The following TLNRD1 variants were observed in gnomAD, a reference collection of about 807,000 sequenced individuals.
TLNRD1 encodes the protein talin rod domain-containing protein 1.
Under a neutral mutation model 19.5 loss-of-function variants are expected in TLNRD1, and 14 were observed. That is an observed-to-expected ratio of 0.72 (90% CI 0.47 to 1.12). The LOEUF (loss-of-function observed/expected upper bound fraction) is 1.12. Ranked by LOEUF, TLNRD1 falls within the 50% of genes most tolerant of loss-of-function variation. The pLI, the probability that TLNRD1 is intolerant of heterozygous loss-of-function variation, is 0.00. For synonymous variants in TLNRD1, 345 were observed against 261.7 expected (o/e 1.32, Z -3.07); for missense variants, 569 against 531.9 (o/e 1.07, Z -0.69).
At position 81,002,260 on chromosome 15, in the gene TLNRD1, C is replaced by A; in HGVS notation, c.-12C>A. The stretch of plus-strand genomic sequence containing the variant: ...GGGCTCCCCAGCGGCATGCCAGTGC[C>A]CCCCGGGCGCGATGGCTAGCGGCAG... On this transcript the variant is annotated 5_prime_UTR_variant, in exon 1 of 1. Coordinates refer to ENST00000267984, the MANE Select transcript of TLNRD1 (RefSeq NM_022566.3). 1.6e-6 allele frequency: 2 copies of A among 1,267,500 alleles called. No homozygotes were observed. Among genetic ancestry groups the A allele is most frequent in the Non-Finnish European group, 2.0e-6 (2 of 1,006,426 alleles). The allele number at this position is 1,267,500 out of a possible 1,614,324, so 78.5% of individuals were successfully genotyped here. A position where few individuals can be genotyped will look rare whatever the true frequency, so the allele number is the denominator to read the frequency against.
Position 81,003,196 on chromosome 15 carries a change from C to G in TLNRD1, c.925C>G (p.Leu309Val). 1 of 1,592,434 alleles carries G rather than the reference C, an allele frequency of 6.3e-7. No homozygotes were observed. The highest frequency in any genetic ancestry group is 8.5e-7 in the Non-Finnish European group (1 of 1,170,016). The change falls in exon 1 of 1, where the codon CTG becomes GTG. Residue 309 changes from leucine (L) to valine (V), a missense_variant. By Grantham distance (32) the Leu-to-Val change is conservative (BLOSUM62 1). Coordinates refer to ENST00000267984, the MANE Select transcript of TLNRD1 (RefSeq NM_022566.3). ...GCTCCTGACCCAGTGCCTCAGGGAT[C>G]TGGCGCAGCACCCCGACGGGGGCGC... ...CVLLTQCLRD[L>V]AQHPDGGAKM...
Position 81,003,350 on chromosome 15 carries a change from C to A in TLNRD1, c.1079C>A (p.Ser360Tyr). 6.3e-7 allele frequency: 1 copy of A among 1,596,806 alleles called. No individual in the cohort carries two copies. The change falls in exon 1 of 1, where the codon TCT becomes TAT. Residue 360 changes from serine (S) to tyrosine (Y), a missense_variant. By Grantham distance (144) the Ser-to-Tyr change is moderately radical (BLOSUM62 -2). Transcript: ENST00000267984. ...ACTTTACCGCCAGTGAATTCCAATT[C>A]TGTGAATTAGCACCCCACCCCCATA... Reference protein sequence around the residue: ...PRTLPPVNSNSVN With the variant: ...PRTLPPVNSNYVN
In TLNRD1 at chr15:81,001,627, G is replaced by C. The variant is rs1042594038; in HGVS notation, c.-645G>C. 2 of 151,544 alleles carry C rather than the reference G, an allele frequency of 1.3e-5. No individual in the cohort carries two copies. The highest frequency in any genetic ancestry group is 6.6e-5 in the Admixed American group (1 of 15,220). The allele number at this position is 151,544 out of a possible 1,614,324, so 9.4% of individuals were successfully genotyped here. On this transcript the variant is annotated 5_prime_UTR_variant, in exon 1 of 1. Coordinates refer to ENST00000267984, the MANE Select transcript of TLNRD1 (RefSeq NM_022566.3). ...AGAGCTGGAGGCAGGAGATGCGCCC[G>C]GGGCGGCCGCGCGTCCCAGAGAGCC...
In TLNRD1 at chr15:81,004,457, C is replaced by A. The variant is rs988576388; in HGVS notation, c.*1097C>A. ...CAACTCAGAGTCTCTGGATGGAACT[C>A]TAAAAGTACTGTACATCAAGTGAGA... On this transcript the variant is annotated 3_prime_UTR_variant, in exon 1 of 1. Transcript: ENST00000267984. The A allele has an allele frequency of 6.0e-6, 1 of 166,764 alleles. No individual in the cohort carries two copies. The highest frequency in any genetic ancestry group is 1.5e-5 in the Non-Finnish European group (1 of 68,004). The allele number at this position is 166,764 out of a possible 1,614,324, so 10.3% of individuals were successfully genotyped here.
At position 81,003,336 on chromosome 15, in the gene TLNRD1, A is replaced by T. The variant is rs1378366723; in HGVS notation, c.1065A>T (p.Pro355=). The change falls in exon 1 of 1, where the codon CCA becomes CCT. Residue 355 remains proline, a synonymous_variant. Coordinates refer to ENST00000267984, the MANE Select transcript of TLNRD1 (RefSeq NM_022566.3). ...GGTCTTCGCCCAGGACTTTACCGCCAGTGAATTCCAATTCTGTGAATTAGC... is the reference window on the plus strand; with the variant it reads ...GGTCTTCGCCCAGGACTTTACCGCCTGTGAATTCCAATTCTGTGAATTAGC... ...RERSSPRTLP[P]VNSNSVN 6.2e-7 allele frequency: 1 copy of T among 1,600,756 alleles called. No individual in the cohort carries two copies. Among genetic ancestry groups the T allele is most frequent in the Non-Finnish European group, 8.5e-7 (1 of 1,170,108 alleles).
At position 81,003,557 on chromosome 15, in the gene TLNRD1, C is replaced by A; in HGVS notation, c.*197C>A. The A allele has an allele frequency of 1.7e-6, 1 of 579,800 alleles. No homozygotes were observed. The highest frequency in any genetic ancestry group is 3.0e-6 in the Non-Finnish European group (1 of 328,096). The allele number at this position is 579,800 out of a possible 1,614,324, so 35.9% of individuals were successfully genotyped here. A position where few individuals can be genotyped will look rare whatever the true frequency, so the allele number is the denominator to read the frequency against. On this transcript the variant is annotated 3_prime_UTR_variant, in exon 1 of 1. Coordinates refer to ENST00000267984, the MANE Select transcript of TLNRD1 (RefSeq NM_022566.3). ...GCACTTGGAGGGCCCAGGTGTCTCT[C>A]CACCAGCCCCCATGCAGTAGGGACT... is the stretch of plus-strand genomic sequence containing the variant.
chr15:81,003,173 T>A lies in TLNRD1; in HGVS notation c.902T>A (p.Leu301His). The A allele has an allele frequency of 6.3e-7, 1 of 1,581,528 alleles. No individual in the cohort carries two copies. Among genetic ancestry groups the A allele is most frequent in the Non-Finnish European group, 8.6e-7 (1 of 1,164,000 alleles). ...ATGAGCGTGGTGTCGGCCTGCGTGC[T>A]CCTGACCCAGTGCCTCAGGGATCTG... The part of the protein sequence containing the change: ...GAMSVVSACV[L>H]LTQCLRDLAQ... Residue 301 changes from leucine to histidine, a missense_variant, in exon 1 of 1, where the codon CTC becomes CAC. Leu to His is a moderately conservative substitution (Grantham distance 99). Coordinates refer to ENST00000267984, the MANE Select transcript of TLNRD1 (RefSeq NM_022566.3).
rs1893428441 is a variant in TLNRD1 at position 81,002,507 on chromosome 15, G to T, written c.236G>T (p.Arg79Leu). The change falls in exon 1 of 1, where the codon CGG (arginine) becomes CTG (leucine). Residue 79 changes from arginine to leucine, a missense_variant. Arg to Leu is a moderately radical substitution (Grantham distance 102). Transcript: ENST00000267984. ...GGCGCCGAGTCCTTCGAGCAGTGCC[G>T]GGACACCATCATCGCGCGCACCAAG... is the stretch of plus-strand genomic sequence containing the variant. ...GAGAESFEQC[R>L]DTIIARTKGL... 1 of 1,484,890 alleles carries T rather than the reference G, an allele frequency of 6.7e-7. No individual in the cohort carries two copies. Among genetic ancestry groups the T allele is most frequent in the East Asian group, 2.5e-5 (1 of 39,310 alleles). 92.0% of individuals were successfully genotyped at this position (1,484,890 alleles called of 1,614,324 possible). A position where few individuals can be genotyped will look rare whatever the true frequency, so the allele number is the denominator to read the frequency against.
chr15:81,003,366 C>T lies in TLNRD1; in HGVS notation c.*6C>T. The stretch of plus-strand genomic sequence containing the variant: ...ATTCCAATTCTGTGAATTAGCACCC[C>T]ACCCCCATACCCCTTCTTCCACCCC... On this transcript the variant is annotated 3_prime_UTR_variant, in exon 1 of 1. Coordinates refer to ENST00000267984, the MANE Select transcript of TLNRD1 (RefSeq NM_022566.3). 1 of 1,588,044 alleles carries T rather than the reference C, an allele frequency of 6.3e-7. No homozygotes were observed. The highest frequency in any genetic ancestry group is 1.1e-5 in the South Asian group (1 of 88,858).
Position 81,003,895 on chromosome 15 carries a change from G to A in TLNRD1, c.*535G>A, listed in dbSNP as rs560817516. ...TGGGGGGAAGCTACTGTGAGCGTGTGTTTTTTTAATTTACACTATAGAGTG... is the reference window on the plus strand; with the variant it reads ...TGGGGGGAAGCTACTGTGAGCGTGTATTTTTTTAATTTACACTATAGAGTG... On this transcript the variant is annotated 3_prime_UTR_variant, in exon 1 of 1. Coordinates refer to ENST00000267984, the MANE Select transcript of TLNRD1 (RefSeq NM_022566.3). 1.8e-5 allele frequency: 3 copies of A among 165,820 alleles called. No individual in the cohort carries two copies. The highest frequency in any genetic ancestry group is 4.4e-5 in the Non-Finnish European group (3 of 67,998). 10.3% of individuals were successfully genotyped at this position (165,820 alleles called of 1,614,324 possible). A position where few individuals can be genotyped will look rare whatever the true frequency, so the allele number is the denominator to read the frequency against.
rs1893425385 is a variant in TLNRD1 at position 81,002,368 on chromosome 15, C to T, written c.97C>T (p.Leu33=). ...GGCCAGCTCGCAGCCGCGGAAGAGG[C>T]TGGTATCCGTCTGCGACCACTGCAA... ...GGASSQPRKR[L]VSVCDHCKGK... is the part of the protein sequence containing the mutation. Residue 33 remains leucine (L), a synonymous_variant, in exon 1 of 1, where the codon CTG becomes TTG. Transcript: ENST00000267984. 6.7e-7 allele frequency: 1 copy of T among 1,497,510 alleles called. No individual in the cohort carries two copies. The highest frequency in any genetic ancestry group is 2.0e-5 in the Admixed American group (1 of 48,836). The allele number at this position is 1,497,510 out of a possible 1,614,324, so 92.8% of individuals were successfully genotyped here. A position where few individuals can be genotyped will look rare whatever the true frequency, so the allele number is the denominator to read the frequency against.
In TLNRD1 at chr15:81,003,515, G is replaced by A. The variant is rs1893452595; in HGVS notation, c.*155G>A. The A allele has an allele frequency of 1.2e-6, 1 of 850,414 alleles. No homozygotes were observed. Among genetic ancestry groups the A allele is most frequent in the Non-Finnish European group, 1.8e-6 (1 of 557,552 alleles). The allele number at this position is 850,414 out of a possible 1,614,324, so 52.7% of individuals were successfully genotyped here. A position where few individuals can be genotyped will look rare whatever the true frequency, so the allele number is the denominator to read the frequency against. On this transcript the variant is annotated 3_prime_UTR_variant, in exon 1 of 1. Coordinates refer to ENST00000267984, the MANE Select transcript of TLNRD1 (RefSeq NM_022566.3). ...GGAATCTTCCACAAGGCAGGGCCAT[G>A]CACGCAACCTGCACACGCACTTGGA...
chr15:81,001,045 A>G lies in TLNRD1; in HGVS notation c.-1227A>G, dbSNP rs1328775825. ...AGCCCCTGCGGGCGGCGGCGCAGCC[A>G]CGGCCGCGCTCCGAGGTGAAGCCGC... is the stretch of plus-strand genomic sequence containing the variant. On this transcript the variant is annotated 5_prime_UTR_variant, in exon 1 of 1. Coordinates refer to ENST00000267984, the MANE Select transcript of TLNRD1 (RefSeq NM_022566.3). 6.5e-6 allele frequency: 1 copy of G among 153,022 alleles called. No individual in the cohort carries two copies. Among genetic ancestry groups the G allele is most frequent in the Non-Finnish European group, 1.5e-5 (1 of 68,430 alleles). The allele number at this position is 153,022 out of a possible 1,614,324, so 9.5% of individuals were successfully genotyped here.
chr15:81,001,028 C>CGGGCGG lies in TLNRD1; in HGVS notation c.-1243_-1238dup, dbSNP rs1275443931. 6.5e-6 allele frequency: 1 copy of CGGGCGG among 153,428 alleles called. No individual in the cohort carries two copies. Among genetic ancestry groups the CGGGCGG allele is most frequent in the Admixed American group, 6.5e-5 (1 of 15,270 alleles). 9.5% of individuals were successfully genotyped at this position (153,428 alleles called of 1,614,324 possible). A position where few individuals can be genotyped will look rare whatever the true frequency, so the allele number is the denominator to read the frequency against. The stretch of plus-strand genomic sequence containing the variant: ...CAGGAAAAGCCTCCGGCAGCCCCTG[C>CGGGCGG]GGGCGGCGGCGCAGCCACGGCCGCG... On this transcript the variant is annotated 5_prime_UTR_variant, in exon 1 of 1. Coordinates refer to ENST00000267984, the MANE Select transcript of TLNRD1 (RefSeq NM_022566.3).
At position 81,002,448 on chromosome 15, in the gene TLNRD1, C is replaced by T; in HGVS notation, c.177C>T (p.Pro59=). The stretch of plus-strand genomic sequence containing the variant: ...TGCTGCTGTCGAGCGAGGCGCGGCC[C>T]GTGCTCTTCGAGGGCCCCGCCTCCT... ...DLLLLSSEAR[P]VLFEGPASSG... The change falls in exon 1 of 1, where the codon CCC becomes CCT. Residue 59 remains proline (P), a synonymous_variant. Transcript: ENST00000267984. 6.5e-7 allele frequency: 1 copy of T among 1,538,678 alleles called. No individual in the cohort carries two copies. The highest frequency in any genetic ancestry group is 8.7e-7 in the Non-Finnish European group (1 of 1,149,476).
chr15:81,003,106 G>A lies in TLNRD1; in HGVS notation c.835G>A (p.Ala279Thr), dbSNP rs372835265. The change falls in exon 1 of 1, where the codon GCC (alanine) becomes ACC (threonine). Residue 279 changes from alanine (A) to threonine (T), a missense_variant. By Grantham distance (58) the Ala-to-Thr change is moderately conservative (BLOSUM62 0). Transcript: ENST00000267984. ...QFLGRAAAVS[A>T]EGKAVQTAIL... ...CCTGGGTCGCGCGGCAGCTGTGAGC[G>A]CCGAGGGCAAGGCGGTGCAGACCGC... 2.6e-6 allele frequency: 4 copies of A among 1,557,666 alleles called. No individual in the cohort carries two copies. In the East Asian group the frequency reaches 7.2e-5, roughly 28 times the overall value.
At position 81,002,793 on chromosome 15, in the gene TLNRD1, C is replaced by T. The variant is rs554668980; in HGVS notation, c.522C>T (p.Asp174=). The T allele has an allele frequency of 1.7e-5, 26 of 1,560,002 alleles. No individual in the cohort carries two copies. In the African/African-American group the frequency reaches 3.0e-4, roughly 18 times the overall value. The change falls in exon 1 of 1, where the codon GAC becomes GAT. Residue 174 remains aspartate (D), a synonymous_variant. Transcript: ENST00000267984. ...TGCTGCGCGCCACGCCGCTGGCCGA[C>T]ATGACGCCGCAGCTGCTGCTGGAGG... The part of the protein sequence containing the change: ...CAVLRATPLA[D]MTPQLLLEVS...
chr15:81,004,983 G>T lies in TLNRD1; in HGVS notation c.*1623G>T, dbSNP rs368750189. On this transcript the variant is annotated 3_prime_UTR_variant, in exon 1 of 1. Coordinates refer to ENST00000267984, the MANE Select transcript of TLNRD1 (RefSeq NM_022566.3). ...CAGTTCCCACAGATCTGAAAAGAAA[G>T]CATTTTTCACTGTAATACATTAAGA... 10 of 167,044 alleles carry T rather than the reference G, an allele frequency of 6.0e-5. No homozygotes were observed. The highest frequency in any genetic ancestry group is 1.3e-4 in the Non-Finnish European group (9 of 68,112). The allele number at this position is 167,044 out of a possible 1,614,324, so 10.3% of individuals were successfully genotyped here. A position where few individuals can be genotyped will look rare whatever the true frequency, so the allele number is the denominator to read the frequency against.
Position 81,001,989 on chromosome 15 carries a change from A to C in TLNRD1, c.-283A>C, listed in dbSNP as rs1893417665. The C allele has an allele frequency of 4.2e-6, 1 of 238,656 alleles. No homozygotes were observed. The highest frequency in any genetic ancestry group is 8.0e-6 in the Non-Finnish European group (1 of 124,546). 14.8% of individuals were successfully genotyped at this position (238,656 alleles called of 1,614,324 possible). On this transcript the variant is annotated 5_prime_UTR_variant, in exon 1 of 1. An upstream start codon of the reference 5' UTR is lost. Transcript: ENST00000267984. ...CAGTGAGTTTGCTCTGCCCCGGTTC[A>C]TGGTTCCTGCAAGCCCTCTAGGAGG...
Sources: gnomAD v4.1 joint callset for allele counts on GRCh38, gnomAD v4.1.1 for gene constraint, MANE v1.5 for transcripts, NCBI Gene and HGNC (gene_info 2026-07-23, HGNC 2026-07-21) for gene names.